The following HTT-AS variants were observed in gnomAD, a reference collection of about 807,000 sequenced individuals.
HTT-AS encodes HTT antisense RNA.
chr4:3,057,487 G>A (rs991927385), intron 2 of HTT-AS, among the ~76,000 whole-genome samples: 1 of 152,140 alleles, frequency 6.6e-6, no homozygotes, highest in African/African-American at 2.4e-5. Context: ...GAGGGTTCTT[G>A]GATCTTGCTC....
chr4:3,072,918 G>A (rs1006917674), intron 1 of HTT-AS, among the ~76,000 whole-genome samples: 3 of 152,236 alleles, frequency 2.0e-5, no homozygotes, highest in Admixed American at 1.3e-4. Flanking sequence ...GTGAGCCACC[G>A]CACCTCGCTG....
chr4:3,059,040 T>TA (rs775566440), intron 2 of HTT-AS, among the ~76,000 whole-genome samples: 1 of 152,194 alleles, frequency 6.6e-6, no homozygotes, highest in Non-Finnish European at 1.5e-5. Flanking sequence ...TTCCACTTGT[T>TA]AAACTGAAAA....
intron 1 of HTT-AS, among the ~76,000 whole-genome samples, chr4:3,069,682 C>T (rs1712126943): frequency 6.6e-6 from 1 of 152,284 alleles, no homozygotes; most frequent in African/African-American, 2.4e-5. Context: ...GGAAACAGGA[C>T]AGATGAAGGA....
At chr4:3,058,856 A>T (rs1197652327) in intron 2 of HTT-AS, among the ~76,000 whole-genome samples, 1 of 151,934 alleles carries the variant, frequency 6.6e-6, no homozygotes, top group Non-Finnish European at 1.5e-5. Flanking sequence ...AGTAGCTGGG[A>T]CTACAGGCAC....
chr4:3,053,464 T>A (rs575018831), intron 2 of HTT-AS, among the ~76,000 whole-genome samples: 1 of 152,026 alleles, frequency 6.6e-6, no homozygotes, highest in African/African-American at 2.4e-5. Context: ...ACTCAGGAGG[T>A]GGAGGTTGCC....
At chr4:3,068,821 A>C (rs1300149637) in intron 1 of HTT-AS, among the ~76,000 whole-genome samples, 1 of 152,028 alleles carries the variant, frequency 6.6e-6, no homozygotes, top group African/African-American at 2.4e-5. Context: ...TGCCTGGCTA[A>C]TTTTTGTATT....
chr4:3,053,757 C>CTTTTTTT (rs1163919785), intron 2 of HTT-AS, among the ~76,000 whole-genome samples: 1 of 129,094 alleles, frequency 7.7e-6, no homozygotes, highest in Admixed American at 7.9e-5. Flanking sequence ...TTGCTAACTT[C>CTTTTTTT]TTTTTTTTTT....
intron 1 of HTT-AS, among the ~76,000 whole-genome samples, chr4:3,073,573 C>G (rs1460205990): frequency 6.6e-6 from 1 of 152,256 alleles, no homozygotes; most frequent in Admixed American, 6.5e-5. Flanking sequence ...CTTCTCGCTG[C>G]ACTAATCACA....
intron 2 of HTT-AS, among the ~76,000 whole-genome samples, chr4:3,055,564 C>G (rs1258554536): frequency 6.6e-6 from 1 of 152,196 alleles, no homozygotes; most frequent in African/African-American, 2.4e-5. Flanking sequence ...CACTGTTGTT[C>G]ATTCAGAATG....
chr4:3,051,425 A>G (rs1372765690), intron 2 of HTT-AS, among the ~76,000 whole-genome samples: 2 of 151,984 alleles, frequency 1.3e-5, no homozygotes, highest in African/African-American at 2.4e-5. Context: ...TTGCTGCTCA[A>G]ATTTAAAAGT....
chr4:3,059,909 G>C (rs1711892333), intron 2 of HTT-AS, among the ~76,000 whole-genome samples: 1 of 140,644 alleles, frequency 7.1e-6, no homozygotes, highest in South Asian at 2.3e-4. Context: ...TAACATCTTT[G>C]TCCCTGTGTT....
chr4:3,053,271 G>A (rs1215428212), intron 2 of HTT-AS, among the ~76,000 whole-genome samples: 1 of 152,178 alleles, frequency 6.6e-6, no homozygotes, highest in Non-Finnish European at 1.5e-5. Flanking sequence ...ATTGGCTCAC[G>A]CCTATAATCC....
chr4:3,047,813 G>T (rs180920112), downstream of HTT-AS, among the ~76,000 whole-genome samples: 1 of 152,308 alleles, frequency 6.6e-6, no homozygotes, highest in Non-Finnish European at 1.5e-5. Context: ...TTCATGTTCC[G>T]CTCTGTACAC....
chr4:3,070,611 G>A (rs1160959138), intron 1 of HTT-AS, among the ~76,000 whole-genome samples: 3 of 152,072 alleles, frequency 2.0e-5, no homozygotes, highest in Non-Finnish European at 2.9e-5. Context: ...GTATGTGTAC[G>A]CTGTTTTTTC....
At chr4:3,053,906 T>C (rs761555147) in intron 2 of HTT-AS, among the ~76,000 whole-genome samples, 36 of 152,032 alleles carry the variant, frequency 2.4e-4, no homozygotes, top group Middle Eastern at 3.4e-3. Context: ...ATTATAGGCA[T>C]ATGCCACCAT....
intron 2 of HTT-AS, among the ~76,000 whole-genome samples, chr4:3,059,422 GTTCAA>G (rs1478705508): frequency 6.6e-6 from 1 of 151,636 alleles, no homozygotes; most frequent in African/African-American, 2.4e-5. Flanking sequence ...GCTAAACTCT[GTTCAA>G]TTCAATTTGT....
intron 1 of HTT-AS, among the ~76,000 whole-genome samples, chr4:3,069,569 G>A (rs776711851): frequency 3.3e-5 from 5 of 152,042 alleles, no homozygotes; most frequent in Non-Finnish European, 2.9e-5. Flanking sequence ...GTATATCAAC[G>A]ATTACAGTTA....
intron 2 of HTT-AS, among the ~76,000 whole-genome samples, chr4:3,057,417 G>A (rs1711828460): frequency 6.6e-6 from 1 of 152,072 alleles, no homozygotes; most frequent in African/African-American, 2.4e-5. Context: ...CCTATTTAAG[G>A]CCAAAACTAT....
exon 2 of HTT-AS, chr4:3,063,615 C>A (rs1031971918): frequency 2.0e-5 from 3 of 152,300 alleles, no homozygotes; most frequent in South Asian, 2.1e-4. Flanking sequence ...AGAGAGGGGG[C>A]TTCTTGAGAC....
Sources: allele counts gnomAD v4.1 joint callset (sites outside exome capture counted in the v4.1 genomes callset), GRCh38; gene constraint gnomAD v4.1.1; transcripts MANE v1.5; gene names NCBI Gene and HGNC (gene_info 2026-07-23, HGNC 2026-07-21).